MTSS1: variants seen among roughly 807,000 people sequenced by gnomAD.
The protein encoded by MTSS1 is MTSS I-BAR domain containing 1.
Under a neutral mutation model 79.0 loss-of-function variants are expected in MTSS1, and 18 were observed. The observed-to-expected ratio is 0.23, with a 90% CI of 0.16 to 0.34. The LOEUF is 0.34. Ranked by LOEUF, MTSS1 falls within the 10% of genes least tolerant of loss-of-function variation. The pLI is 1.00. For missense variants in MTSS1, 815 were observed against 986.2 expected (o/e 0.83, Z 2.33); for synonymous variants, 341 against 368.6 (o/e 0.93, Z 0.86).
intron 3 of MTSS1, among the ~76,000 whole-genome samples, chr8:124,655,181 C>G (rs3857951): frequency 0.56 from 84,889 of 152,086 alleles, 26,832 homozygotes; most frequent in African/African-American, 0.85. Context: ...CTCAGGCCCA[C>G]GCTTGGGGAC....
chr8:124,651,819 G>A (rs1157518765), intron 3 of MTSS1, among the ~76,000 whole-genome samples: 1 of 152,096 alleles, frequency 6.6e-6, no homozygotes, highest in African/African-American at 2.4e-5. Flanking sequence ...TTTTTGCTGG[G>A]TTCTCTCTTT....
chr8:124,698,404 G>C (rs1829189757), intron 3 of MTSS1, among the ~76,000 whole-genome samples: 1 of 152,056 alleles, frequency 6.6e-6, no homozygotes, highest in Non-Finnish European at 1.5e-5. Context: ...GGCAAAGTAA[G>C]AGGCAGAAGA....
intron 3 of MTSS1, among the ~76,000 whole-genome samples, chr8:124,629,952 A>C (rs930267017): frequency 7.2e-5 from 11 of 152,216 alleles, no homozygotes; most frequent in African/African-American, 2.7e-4. Context: ...ATCACCCTGT[A>C]AAGAATTGAG....
At position 124,727,721 on chromosome 8, in the gene MTSS1, G is replaced by A. The variant is rs1833941576; in HGVS notation, c.72+163C>T. On this transcript the variant is annotated intron_variant, in intron 1 of 13. Coordinates refer to ENST00000518547, the MANE Select transcript of MTSS1 (RefSeq NM_014751.6). This position sits in a 1 kb window ranked among gnomAD's most constrained non-coding sequence, Gnocchi z 4.7. ...CAGTGACCCCGCAGAGCCCGGAGCA[G>A]CGCCCCGGGTGAGCAGGTGACACTC... 1 of 682,912 alleles carries A rather than the reference G, an allele frequency of 1.5e-6. No homozygotes were observed. The highest frequency in any genetic ancestry group is 1.8e-5 in the African/African-American group (1 of 55,300). The allele number at this position is 682,912 out of a possible 1,614,324, so 42.3% of individuals were successfully genotyped here.
At chr8:124,663,888 G>A (rs1312675945) in intron 3 of MTSS1, among the ~76,000 whole-genome samples, 1 of 152,184 alleles carries the variant, frequency 6.6e-6, no homozygotes, top group African/African-American at 2.4e-5. Context: ...GGGCATCACG[G>A]AGCACAGAGA....
rs778854988 is a variant in MTSS1, at chr8:124,567,129, G to A, written c.668C>T (p.Ser223Leu). Residue 223 changes from serine (S) to leucine (L), a missense_variant, in exon 8 of 14, where the codon TCG (serine) becomes TTG (leucine). This residue lies in a region of MTSS1 where 225 missense variants were observed against 365.4 expected (regional missense o/e 0.62). Coordinates refer to ENST00000518547, the MANE Select transcript of MTSS1 (RefSeq NM_014751.6). ...LGEITHLQTISEDLKSLTMDP... is the reference protein window; with the variant it reads ...LGEITHLQTILEDLKSLTMDP... ...CATGGTCAGGCTTTTTAGATCTTCC[G>A]AGATGGTCTGAAGGTGGGTTATTTC... 3 of 1,614,152 alleles carry A rather than the reference G, an allele frequency of 1.9e-6. No homozygotes were observed. The highest frequency in any genetic ancestry group is 2.5e-6 in the Non-Finnish European group (3 of 1,179,990).
At chr8:124,624,486 A>G (rs1360328153) in intron 3 of MTSS1, among the ~76,000 whole-genome samples, 2 of 152,188 alleles carry the variant, frequency 1.3e-5, no homozygotes, top group Non-Finnish European at 2.9e-5. Context: ...GTACAGGGGA[A>G]TCACAGGGGC....
Position 124,557,866 on chromosome 8 carries a change from C to T in MTSS1, c.1045G>A (p.Gly349Arg), listed in dbSNP as rs1483756882. 30 of 1,579,088 alleles carry T rather than the reference C, an allele frequency of 1.9e-5. No homozygotes were observed. The highest frequency in any genetic ancestry group is 2.3e-5 in the East Asian group (1 of 43,448). The change falls in exon 11 of 14, where the codon GGG becomes AGG. Residue 349 changes from glycine to arginine, a missense_variant. By Grantham distance (125) the Gly-to-Arg change is moderately radical (BLOSUM62 -2). Around this residue, in one of 2 missense-constraint regions of MTSS1, gnomAD observed 590 missense variants for 620.8 expected, o/e 0.95. Transcript: ENST00000518547. ...PPEAPNQLSN[G>R]FSHYSLSSES... ...CTTGATAAACTATAGTGAGAAAACC[C>T]GTTAGACAACTGGAAACAAACAAAA...
chr8:124,702,681 C>T (rs1829870422), intron 2 of MTSS1, among the ~76,000 whole-genome samples: 1 of 152,148 alleles, frequency 6.6e-6, no homozygotes, highest in South Asian at 2.1e-4. Flanking sequence ...TCATCCCTCT[C>T]CCACCTCTCT....
intron 3 of MTSS1, among the ~76,000 whole-genome samples, chr8:124,681,905 G>A (rs2096526822): frequency 6.6e-6 from 1 of 152,200 alleles, no homozygotes; most frequent in African/African-American, 2.4e-5. Flanking sequence ...TAGCTTTCCT[G>A]ATTCATATAA....
rs1275970998 is a variant in MTSS1, at chr8:124,557,663, A to AG, written c.1230+17dup. 1 of 1,550,452 alleles carries AG rather than the reference A, an allele frequency of 6.4e-7. No homozygotes were observed. Among genetic ancestry groups the AG allele is most frequent in the Non-Finnish European group, 8.7e-7 (1 of 1,144,148 alleles). Reference sequence around the variant, plus strand: ...CAGAGGCAATGACGGGGAGAGGAGGAGGGGGAGAGACACAAACCTTCCAGC... The same window carrying AG: ...CAGAGGCAATGACGGGGAGAGGAGGAGGGGGGAGAGACACAAACCTTCCAGC... On this transcript the variant is annotated intron_variant, in intron 11 of 13. Transcript: ENST00000518547.
chr8:124,673,555 C>G (rs1824695107), intron 3 of MTSS1: 1 of 152,158 alleles, frequency 6.6e-6, no homozygotes, highest in African/African-American at 2.4e-5. Context: ...GAGAGTTGCT[C>G]TCAGCCACTC....
intron 3 of MTSS1, among the ~76,000 whole-genome samples, chr8:124,659,844 G>A (rs1362327568): frequency 6.6e-6 from 1 of 152,176 alleles, no homozygotes; most frequent in South Asian, 2.1e-4. Flanking sequence ...CAGGCAGTGA[G>A]GGCTATCCCA....
At chr8:124,565,535 G>A in intron 9 of MTSS1, 127 bp downstream of exon 9, 1 of 763,628 alleles carries the variant, frequency 1.3e-6, no homozygotes, top group Non-Finnish European at 2.1e-6. Flanking sequence ...CATTCTTTCA[G>A]CTCATCATCC....
At chr8:124,702,640 T>C (rs1411573802) in intron 2 of MTSS1, among the ~76,000 whole-genome samples, 1 of 152,116 alleles carries the variant, frequency 6.6e-6, no homozygotes, top group Non-Finnish European at 1.5e-5. Flanking sequence ...TGACCCCTGG[T>C]GTCCACAGGC....
chr8:124,722,776 G>T (rs182131795), intron 1 of MTSS1, among the ~76,000 whole-genome samples: 240 of 152,240 alleles, frequency 1.6e-3, no homozygotes, highest in African/African-American at 5.5e-3. Context: ...CTGGAGTGAG[G>T]TATTTCTTTG....
At chr8:124,563,377 G>T (rs1825746171) in intron 9 of MTSS1, 2 of 257,952 alleles carry the variant, frequency 7.8e-6, no homozygotes, top group East Asian at 1.2e-4. Context: ...AAGGGACAGG[G>T]TTAATCTGCC....
chr8:124,622,081 AG>A (rs778182916), intron 3 of MTSS1, among the ~76,000 whole-genome samples: 4 of 151,790 alleles, frequency 2.6e-5, no homozygotes, highest in Admixed American at 6.6e-5. Flanking sequence ...AGAGAGAGAG[AG>A]AGAGAGAGAG....
chr8:124,726,139 G>A (rs1833666472), intron 1 of MTSS1, among the ~76,000 whole-genome samples: 1 of 152,172 alleles, frequency 6.6e-6, no homozygotes, highest in Non-Finnish European at 1.5e-5. Context: ...ACCATGCAGG[G>A]GAAAAAACAC....
Sources: allele counts gnomAD v4.1 joint callset (sites outside exome capture counted in the v4.1 genomes callset), GRCh38; gene constraint gnomAD v4.1.1; regional missense constraint gnomAD v4.1.1; non-coding constraint Gnocchi (gnomAD v3.1); transcripts MANE v1.5; gene names NCBI Gene and HGNC (gene_info 2026-07-23, HGNC 2026-07-21).